The following INTS6 variants were observed in gnomAD, a reference collection of about 807,000 sequenced individuals.
INTS6 encodes the protein integrator complex subunit 6.
In INTS6, 16 loss-of-function variants were observed where a neutral mutation model predicts 104.9. The ratio of observed to expected loss-of-function variants is 0.15; its 90% confidence interval spans 0.10 to 0.23. INTS6 has a LOEUF of 0.23. Among genes scored for constraint, INTS6 ranks in the 10% least tolerant of loss-of-function variants. The probability of loss-of-function intolerance (pLI) is 1.00; values close to 1 mark genes in which losing one functional copy is unlikely to be tolerated. For synonymous variants in INTS6, 324 were observed against 358.7 expected, an observed-to-expected ratio of 0.90 and a Z score of 1.09; for missense variants, 584 against 1,062.8, an observed-to-expected ratio of 0.55 and a Z score of 6.26.
chr13:51,447,704 T>C (rs1158679239), intron 3 of INTS6: 1 of 142,298 alleles, frequency 7.0e-6, no homozygotes, highest in Admixed American at 7.1e-5. Flanking sequence ...TAAAGATATA[T>C]TGGCTAATCT....
intron 4 of INTS6, among the ~76,000 whole-genome samples, chr13:51,424,457 C>G (rs185947579): frequency 6.6e-6 from 1 of 151,946 alleles, no homozygotes; most frequent in Non-Finnish European, 1.5e-5. Context: ...TCATCAACTT[C>G]TTTAATTATG....
intron 6 of INTS6, among the ~76,000 whole-genome samples, chr13:51,389,039 A>G (rs1956198343): frequency 6.6e-6 from 1 of 152,236 alleles, no homozygotes; most frequent in South Asian, 2.1e-4. Context: ...ATAATACTAC[A>G]AAGAAATTAT....
chr13:51,431,593 T>C (rs1385736585), intron 3 of INTS6, among the ~76,000 whole-genome samples: 2 of 152,192 alleles, frequency 1.3e-5, no homozygotes, highest in Non-Finnish European at 2.9e-5. Context: ...GCAATATTTA[T>C]TGAATGAATT....
chr13:51,396,148 C>T (rs989902489), intron 4 of INTS6, among the ~76,000 whole-genome samples: 1 of 152,102 alleles, frequency 6.6e-6, no homozygotes, highest in Non-Finnish European at 1.5e-5. Context: ...ATGATTTGGC[C>T]TCCTGTGTCC....
intron 3 of INTS6, chr13:51,438,299 C>T (rs1358923621): frequency 6.6e-6 from 1 of 151,682 alleles, no homozygotes; most frequent in Non-Finnish European, 1.5e-5. Flanking sequence ...AAGTAGATAA[C>T]ATTTTCCAGA....
intron 4 of INTS6, among the ~76,000 whole-genome samples, chr13:51,397,483 T>C (rs1956359915): frequency 1.3e-5 from 2 of 152,170 alleles, no homozygotes; most frequent in South Asian, 4.1e-4. Flanking sequence ...GGCCAGCATA[T>C]TCTCGAGGAA....
At chr13:51,448,469 C>T (rs944733184) in intron 3 of INTS6, 8 of 152,074 alleles carry the variant, frequency 5.3e-5, no homozygotes, top group Non-Finnish European at 1.0e-4. Flanking sequence ...CACTAAGAAC[C>T]ATTCTTTTTT....
At chr13:51,429,785 A>AAAAAAAAAAAAAAAAAAAAAATATATAT (rs1156333077) in intron 4 of INTS6, among the ~76,000 whole-genome samples, 1 of 92,358 alleles carries the variant, frequency 1.1e-5, no homozygotes. Context: ...AAAAAAAAAA[A>AAAAAAAAAAAAAAAAAAAAAATATATAT]ATATATATAT....
intron 4 of INTS6, among the ~76,000 whole-genome samples, chr13:51,425,622 T>C (rs1956970821): frequency 6.6e-6 from 1 of 152,132 alleles, no homozygotes; most frequent in Admixed American, 6.5e-5. Context: ...CAGGATTTCT[T>C]CTGGGCTCCT....
At chr13:51,409,316 G>A (rs1206303124) in intron 4 of INTS6, among the ~76,000 whole-genome samples, 4 of 140,276 alleles carry the variant, frequency 2.9e-5, no homozygotes, top group Admixed American at 2.2e-4. Context: ...AATAATAATA[G>A]TATAACTTCA....
At chr13:51,374,886 T>C (rs1158684043) in intron 13 of INTS6, 90 bp from the exon 14 acceptor site, 7 of 1,287,848 alleles carry the variant, frequency 5.4e-6, no homozygotes, top group East Asian at 4.8e-5. Flanking sequence ...CCTAGTGTTA[T>C]TCTAGACAGT....
At chr13:51,337,158 A>G in the INTS6 span, among the ~76,000 whole-genome samples, 364 of 152,296 alleles carry the variant, frequency 2.4e-3, 1 homozygote, top group East Asian at 7.5e-3. Context: ...CTCTCTCTTC[A>G]TGGCAAAATC....
At position 51,451,966 on chromosome 13, in the gene INTS6, G is replaced by A; in HGVS notation, c.189+12C>T. 1 of 1,602,590 alleles carries A rather than the reference G, an allele frequency of 6.2e-7. No individual in the cohort carries two copies. Among genetic ancestry groups the A allele is most frequent in the Non-Finnish European group, 8.5e-7 (1 of 1,172,038 alleles). On this transcript the variant is annotated intron_variant, in intron 2 of 17. Transcript: ENST00000311234. ...AGGGAAGGGAGGAAAGGGGGAGGGC[G>A]AGGGCTGTTACCTTGATAGCATAGG...
intron 3 of INTS6, chr13:51,446,951 G>T (rs929729514): frequency 1.4e-4 from 21 of 152,080 alleles, no homozygotes; most frequent in African/African-American, 4.6e-4. Context: ...CTGGATATTG[G>T]TTGCACAGCA....
chr13:51,356,333 A>G (rs565706082), intron 3 of INTS6, among the ~76,000 whole-genome samples: 1 of 152,170 alleles, frequency 6.6e-6, no homozygotes, highest in Non-Finnish European at 1.5e-5. Flanking sequence ...CAAGCAAAGG[A>G]GGAATACTGA....
Position 51,450,480 on chromosome 13 carries a change from TCCTGCAATAGTTGTTAACTGTGTATG to T in INTS6, c.339+519_339+544del. ...GGCCTGAAATTTAATTCAGAGTTCT[TCCTGCAATAGTTGTTAACTGTGTATG>T]CTTCAAAAGAAAACTTAAATGTTCT... On this transcript the variant is annotated intron_variant, in intron 3 of 17. Transcript: ENST00000311234. 3 of 985,430 alleles carry T rather than the reference TCCTGCAATAGTTGTTAACTGTGTATG, an allele frequency of 3.0e-6. No individual in the cohort carries two copies. In the South Asian group the frequency reaches 1.4e-4, roughly 46 times the overall value. The allele number at this position is 985,430 out of a possible 1,614,324, so 61.0% of individuals were successfully genotyped here.
At chr13:51,418,322 A>G (rs548747904) in intron 4 of INTS6, among the ~76,000 whole-genome samples, 13 of 152,294 alleles carry the variant, frequency 8.5e-5, no homozygotes, top group Middle Eastern at 3.4e-3. Context: ...GAAACAATTT[A>G]TAAATTTAAA....
chr13:51,452,988 C>T lies in INTS6; in HGVS notation c.-463G>A, dbSNP rs751657754. On this transcript the variant is annotated 5_prime_UTR_variant, in exon 1 of 18. Coordinates refer to ENST00000311234, the MANE Select transcript of INTS6 (RefSeq NM_012141.3). This position sits in a 1 kb window ranked among gnomAD's most constrained non-coding sequence, Gnocchi z 4.2. Reference sequence around the variant, plus strand: ...TGGGAGAAGTTTCAGGGACTCCCTCCGCACCCCGGCGGTGTCACCACTTTC... The same window carrying T: ...TGGGAGAAGTTTCAGGGACTCCCTCTGCACCCCGGCGGTGTCACCACTTTC... 1 of 1,004,624 alleles carries T rather than the reference C, an allele frequency of 1.0e-6. No individual in the cohort carries two copies. The highest frequency in any genetic ancestry group is 1.7e-5 in the African/African-American group (1 of 57,310). 62.2% of individuals were successfully genotyped at this position (1,004,624 alleles called of 1,614,324 possible). A position where few individuals can be genotyped will look rare whatever the true frequency, so the allele number is the denominator to read the frequency against.
rs1251121913 is a variant in INTS6, at chr13:51,367,820, A to G, written c.2555T>C (p.Ile852Thr). Residue 852 changes from isoleucine to threonine, a missense_variant, in exon 17 of 18, where the codon ATT (isoleucine) becomes ACT (threonine). Ile to Thr is a moderately conservative substitution (Grantham distance 89, BLOSUM62 -1). Around this residue, in one of 5 missense-constraint regions of INTS6, gnomAD observed 296 missense variants for 437.0 expected, o/e 0.68. Transcript: ENST00000311234. ...QTRLIFLQNVIKEASRFKKRM... is the reference protein window; with the variant it reads ...QTRLIFLQNVTKEASRFKKRM... Reference sequence around the variant, plus strand: ...GTTTATTTACCTTGATGCTTCTTTAATGACATTTTGTAAAAATATTAGTCT... The same window carrying G: ...GTTTATTTACCTTGATGCTTCTTTAGTGACATTTTGTAAAAATATTAGTCT... 6.3e-7 allele frequency: 1 copy of G among 1,578,878 alleles called. No homozygotes were observed. The highest frequency in any genetic ancestry group is 8.6e-7 in the Non-Finnish European group (1 of 1,156,474).
Sources: allele counts gnomAD v4.1 joint callset (sites outside exome capture counted in the v4.1 genomes callset), GRCh38; gene constraint gnomAD v4.1.1; regional missense constraint gnomAD v4.1.1; non-coding constraint Gnocchi (gnomAD v3.1); transcripts MANE v1.5; gene names NCBI Gene and HGNC (gene_info 2026-07-23, HGNC 2026-07-21).